The following PDE12 variants were observed in gnomAD, a reference collection of about 807,000 sequenced individuals.
PDE12 encodes the protein phosphodiesterase 12.
In PDE12, 26 loss-of-function variants were observed where a neutral mutation model predicts 45.4. The ratio of observed to expected loss-of-function variants is 0.57; its 90% confidence interval spans 0.42 to 0.79. The LOEUF is 0.79. Ranked by LOEUF, PDE12 falls within the 30% of genes least tolerant of loss-of-function variation. PDE12 has a pLI of 0.00. For synonymous variants in PDE12, 283 were observed against 323.9 expected (o/e 0.87, Z 1.36); for missense variants, 668 against 790.0 (o/e 0.85, Z 1.85).
At position 57,557,690 on chromosome 3, in the gene PDE12, A is replaced by G. The variant is rs778227395; in HGVS notation, c.1308+3A>G. The G allele has an allele frequency of 1.9e-6, 3 of 1,611,796 alleles. No homozygotes were observed. In the Middle Eastern group the frequency reaches 5.0e-4, roughly 267 times the overall value. ...TCCAGAGATCTTCTGTTCTTCAGGT[A>G]AAGTAGTTCCGCCCGTCTCTTCACA... is the stretch of plus-strand genomic sequence containing the variant. On this transcript the variant is annotated splice_donor_region_variant and intron_variant, in intron 1 of 2. Transcript: ENST00000311180.
At chr3:57,615,138 C>T in the PDE12 span, among the ~76,000 whole-genome samples, 1 of 151,848 alleles carries the variant, frequency 6.6e-6, no homozygotes, top group Non-Finnish European at 1.5e-5. Context: ...GTCTCAAACT[C>T]CTGAGCTCAG....
At chr3:57,597,173 G>A in the PDE12 span, 19 of 1,598,890 alleles carry the variant, frequency 1.2e-5, no homozygotes, top group Admixed American at 1.7e-5. Flanking sequence ...GGCAGAAGCA[G>A]AAGGGGTTTG....
the PDE12 span, chr3:57,597,874 G>C: frequency 7.2e-5 from 11 of 152,230 alleles, no homozygotes; most frequent in Admixed American, 1.3e-4. Flanking sequence ...AGACCGGTCC[G>C]GTCTTTTGCG....
the PDE12 span, among the ~76,000 whole-genome samples, chr3:57,586,370 T>C: frequency 6.6e-6 from 1 of 152,208 alleles, no homozygotes; most frequent in Admixed American, 6.5e-5. Context: ...ATCTCACTTA[T>C]CTAATTTACA....
chr3:57,574,719 T>C, the PDE12 span, among the ~76,000 whole-genome samples: 1 of 152,048 alleles, frequency 6.6e-6, no homozygotes, highest in African/African-American at 2.4e-5. Flanking sequence ...CTCCATAAAC[T>C]GTTATGTTAA....
the PDE12 span, chr3:57,641,842 T>A: frequency 1.0e-6 from 1 of 983,788 alleles, no homozygotes; most frequent in Non-Finnish European, 1.5e-6. Context: ...CAATGAACAA[T>A]ACACAGATTG....
the PDE12 span, chr3:57,597,223 AC>A: frequency 7.5e-7 from 1 of 1,339,902 alleles, no homozygotes; most frequent in Non-Finnish European, 1.1e-6. Flanking sequence ...TCCCAGGCAA[AC>A]TAAACGAGAG....
the PDE12 span, among the ~76,000 whole-genome samples, chr3:57,609,928 C>CA: frequency 6.6e-6 from 1 of 151,798 alleles, no homozygotes; most frequent in South Asian, 2.1e-4. Flanking sequence ...AGAGACACAA[C>CA]AAAAAAAGAG....
the PDE12 span, chr3:57,646,526 T>C: frequency 4.8e-6 from 7 of 1,452,840 alleles, no homozygotes; most frequent in Middle Eastern, 1.8e-4. Context: ...AAACTCCACA[T>C]TGATATAAAT....
the PDE12 span, among the ~76,000 whole-genome samples, chr3:57,620,444 C>A: frequency 6.6e-6 from 1 of 151,680 alleles, no homozygotes; most frequent in African/African-American, 2.4e-5. Context: ...TCTGCTCTTA[C>A]CAATGCTATT....
At chr3:57,583,498 C>T in the PDE12 span, among the ~76,000 whole-genome samples, 1 of 152,132 alleles carries the variant, frequency 6.6e-6, no homozygotes. Context: ...ACTGACTTTA[C>T]TGTATTTAAT....
At chr3:57,607,928 A>C in the PDE12 span, among the ~76,000 whole-genome samples, 1 of 152,168 alleles carries the variant, frequency 6.6e-6, no homozygotes, top group Non-Finnish European at 1.5e-5. Flanking sequence ...TCCAAGACAC[A>C]TAATTGTCAG....
chr3:57,569,006 A>G (rs760452979), downstream of PDE12, among the ~76,000 whole-genome samples: 2 of 152,186 alleles, frequency 1.3e-5, no homozygotes, highest in African/African-American at 4.8e-5. Context: ...CAATTAGTTG[A>G]CAGAATACTT....
chr3:57,614,552 T>G, the PDE12 span, among the ~76,000 whole-genome samples: 9,062 of 105,174 alleles, frequency 0.086, 404 homozygotes, highest in African/African-American at 0.15. Flanking sequence ...TTGTTTTTTT[T>G]TTTTTTTTTT....
the PDE12 span, chr3:57,597,072 A>C: frequency 6.2e-7 from 1 of 1,613,748 alleles, no homozygotes; most frequent in Non-Finnish European, 8.5e-7. Context: ...CCCCTCACTC[A>C]CCCATCAAAA....
chr3:57,596,337 C>T, the PDE12 span, among the ~76,000 whole-genome samples: 1 of 152,034 alleles, frequency 6.6e-6, no homozygotes, highest in African/African-American at 2.4e-5. Flanking sequence ...TGCATTAGAC[C>T]TTAGACCGCC....
the PDE12 span, chr3:57,654,980 T>A: frequency 4.6e-6 from 1 of 216,006 alleles, no homozygotes; most frequent in Non-Finnish European, 7.9e-6. Context: ...TATAATACTA[T>A]CACTGTGTGA....
chr3:57,564,048 TTTC>T lies in PDE12; in HGVS notation c.*4050_*4052del, dbSNP rs1320703187. The T allele has an allele frequency of 6.6e-6, 1 of 152,210 alleles. No individual in the cohort carries two copies. Among genetic ancestry groups the T allele is most frequent in the East Asian group, 1.9e-4 (1 of 5,200 alleles). The allele number at this position is 152,210 out of a possible 1,614,324, so 9.4% of individuals were successfully genotyped here. ...GCTGTATTAACTTCGTGATTTTATT[TTTC>T]TTCTTAGCACTAACTTCAAAATAAC... On this transcript the variant is annotated 3_prime_UTR_variant, in exon 3 of 3. Coordinates refer to ENST00000311180, the MANE Select transcript of PDE12 (RefSeq NM_177966.7).
rs1274184211 is a variant in PDE12 at position 57,564,809 on chromosome 3, G to A, written c.*4805G>A. 6.7e-6 allele frequency: 1 copy of A among 150,332 alleles called. No homozygotes were observed. The highest frequency in any genetic ancestry group is 2.5e-5 in the African/African-American group (1 of 40,786). 9.3% of individuals were successfully genotyped at this position (150,332 alleles called of 1,614,324 possible). ...GCCTCCCCAAATAGCTGGGACTACA[G>A]GTGCGCACCGCCACACCTGGCTAAT... On this transcript the variant is annotated 3_prime_UTR_variant, in exon 3 of 3. Transcript: ENST00000311180.
Sources: gnomAD v4.1 joint callset for allele counts (sites outside exome capture counted in the v4.1 genomes callset) on GRCh38, gnomAD v4.1.1 for gene constraint, MANE v1.5 for transcripts, NCBI Gene and HGNC (gene_info 2026-07-23, HGNC 2026-07-21) for gene names.